Variants in NLGN1 observed in about 807,000 individuals in gnomAD.
NLGN1 encodes the protein neuroligin 1.
A neutral mutation model predicts 65.5 loss-of-function variants in NLGN1; 12 were observed. The ratio of observed to expected loss-of-function variants is 0.18; its 90% CI spans 0.12 to 0.30. The LOEUF (loss-of-function observed/expected upper bound fraction) is 0.30, where lower values mean the gene tolerates loss of function less well. Ranked by LOEUF, NLGN1 falls within the 10% of genes least tolerant of loss-of-function variation. NLGN1 has a pLI of 1.00. For missense variants in NLGN1, 750 were observed against 1,007.1 expected (o/e 0.74, Z 3.46); for synonymous variants, 350 against 359.5 (o/e 0.97, Z 0.30).
At chr3:173,646,309 T>C (rs1301954504) in intron 3 of NLGN1, among the ~76,000 whole-genome samples, 1 of 152,212 alleles carries the variant, frequency 6.6e-6, no homozygotes, top group South Asian at 2.1e-4. Flanking sequence ...CAGTAGAAAG[T>C]AGGACTAATC....
At chr3:173,401,647 G>A (rs1681213483) in intron 1 of NLGN1, among the ~76,000 whole-genome samples, 1 of 152,092 alleles carries the variant, frequency 6.6e-6, no homozygotes, top group African/African-American at 2.4e-5. Context: ...TTGGAAGATA[G>A]ATTTTTAGGG....
chr3:173,614,248 C>T (rs1353596166), intron 3 of NLGN1, among the ~76,000 whole-genome samples: 3 of 151,968 alleles, frequency 2.0e-5, no homozygotes, highest in Admixed American at 2.0e-4. Flanking sequence ...TAAGTATGAA[C>T]AGGACAGGTT....
intron 3 of NLGN1, among the ~76,000 whole-genome samples, chr3:173,740,997 A>G (rs1433835926): frequency 6.6e-6 from 1 of 152,182 alleles, no homozygotes; most frequent in Non-Finnish European, 1.5e-5. Flanking sequence ...AAGTATTATT[A>G]GCATACAAAA....
intron 3 of NLGN1, among the ~76,000 whole-genome samples, chr3:173,623,298 G>T (rs1197570762): frequency 6.6e-6 from 1 of 151,822 alleles, no homozygotes; most frequent in Non-Finnish European, 1.5e-5. Context: ...GATTGGAAAA[G>T]AAGTTAGGAC....
exon 3 of NLGN1, chr3:173,604,659 G>C (rs758915661): frequency 6.2e-7 from 1 of 1,613,700 alleles, no homozygotes; most frequent in Non-Finnish European, 8.5e-7. Flanking sequence ...GGCATGCTTG[G>C]TACACCGGGG....
chr3:173,796,036 A>G (rs1053560066), intron 3 of NLGN1, among the ~76,000 whole-genome samples: 2 of 152,140 alleles, frequency 1.3e-5, no homozygotes, highest in African/African-American at 4.8e-5. Context: ...TCCCTTGAGA[A>G]GGACGCATTT....
chr3:173,952,845 T>A (rs913276059), intron 4 of NLGN1, among the ~76,000 whole-genome samples: 1 of 150,760 alleles, frequency 6.6e-6, no homozygotes, highest in East Asian at 2.0e-4. Context: ...TGGCACAATC[T>A]CAGCTCACTG....
intron 4 of NLGN1, among the ~76,000 whole-genome samples, chr3:174,192,306 G>T (rs779417796): frequency 1.3e-5 from 2 of 152,072 alleles, no homozygotes; most frequent in Non-Finnish European, 2.9e-5. Context: ...TTTGAAAAAT[G>T]AATGGATTTA....
chr3:174,199,641 GA>G lies in NLGN1; in HGVS notation c.647-75672del, dbSNP rs150972709. On this transcript the variant is annotated intron_variant, in intron 4 of 6. Transcript: ENST00000457714. The stretch of plus-strand genomic sequence containing the variant: ...GCCTGAGGTAAGGACAGAGGTGGAG[GA>G]ACAGTCAAATACATGCTCCGAAAGG... 4.8e-3 allele frequency among the ~76,000 whole-genome samples: 727 copies of G among 152,138 alleles called. 3 individuals carry two copies. Among genetic ancestry groups the G allele is most frequent in the African/African-American group, 0.017 (690 of 41,468 alleles).
chr3:173,822,377 G>T (rs1720493604), intron 4 of NLGN1, among the ~76,000 whole-genome samples: 1 of 152,106 alleles, frequency 6.6e-6, no homozygotes. Flanking sequence ...TGATTTCTGT[G>T]TATGTGGGTA....
At chr3:174,270,140 T>C (rs1749097096) in intron 4 of NLGN1, among the ~76,000 whole-genome samples, 1 of 139,352 alleles carries the variant, frequency 7.2e-6, no homozygotes, top group Non-Finnish European at 1.6e-5. Context: ...TTTTTTTTTT[T>C]TGATGTGCAG....
At chr3:173,500,242 T>C (rs924576702) in intron 2 of NLGN1, among the ~76,000 whole-genome samples, 1 of 152,210 alleles carries the variant, frequency 6.6e-6, no homozygotes, top group Non-Finnish European at 1.5e-5. Flanking sequence ...ACCTAATTTA[T>C]TGAGAGTTTG....
In NLGN1 at chr3:174,147,419, C is replaced by CTTTTTTTTTTTTTTT. The variant is rs574298501; in HGVS notation, c.647-127879_647-127865dup. 3.0e-4 allele frequency among the ~76,000 whole-genome samples: 11 copies of CTTTTTTTTTTTTTTT among 36,260 alleles called. 3 individuals are homozygous for CTTTTTTTTTTTTTTT. Among genetic ancestry groups the CTTTTTTTTTTTTTTT allele is most frequent in the African/African-American group, 7.2e-4 (8 of 11,166 alleles). 23.8% of individuals were successfully genotyped at this position (36,260 alleles called of 152,430 possible). A position where few individuals can be genotyped will look rare whatever the true frequency, so the allele number is the denominator to read the frequency against. On this transcript the variant is annotated intron_variant, in intron 4 of 6. Transcript: ENST00000457714. ...TGAATTTTTGTGTAATGGCTCATGGCTTTTTTTTTTTTTTTTTTTTTTTTT... is the reference window on the plus strand; with the variant it reads ...TGAATTTTTGTGTAATGGCTCATGGCTTTTTTTTTTTTTTTTTTTTTTTTTTTTTTTTTTTTTTTT...
At chr3:174,082,698 G>A (rs1034748721) in intron 4 of NLGN1, among the ~76,000 whole-genome samples, 3 of 151,696 alleles carry the variant, frequency 2.0e-5, no homozygotes, top group South Asian at 2.1e-4. Flanking sequence ...TTATTTTTAC[G>A]TGTGTGACAG....
intron 3 of NLGN1, among the ~76,000 whole-genome samples, chr3:173,646,039 G>T (rs777742014): frequency 6.6e-6 from 1 of 152,066 alleles, no homozygotes; most frequent in Admixed American, 6.5e-5. Flanking sequence ...CACTCTAGCC[G>T]CTTTTGGCTC....
chr3:173,517,010 A>C (rs1342107214), intron 2 of NLGN1, among the ~76,000 whole-genome samples: 1 of 151,966 alleles, frequency 6.6e-6, no homozygotes, highest in East Asian at 1.9e-4. Context: ...TTCTATTCAT[A>C]TATCTTTAAG....
At chr3:173,544,660 A>G (rs1403476910) in intron 2 of NLGN1, among the ~76,000 whole-genome samples, 2 of 152,160 alleles carry the variant, frequency 1.3e-5, no homozygotes, top group African/African-American at 2.4e-5. Context: ...CCATTATAAG[A>G]AAGACCAGGA....
chr3:173,982,245 T>C (rs1718939947), intron 4 of NLGN1, among the ~76,000 whole-genome samples: 1 of 152,136 alleles, frequency 6.6e-6, no homozygotes, highest in South Asian at 2.1e-4. Flanking sequence ...AGCACTTTTG[T>C]TTCTGAGGAT....
At chr3:173,540,268 A>G (rs1180290607) in intron 2 of NLGN1, among the ~76,000 whole-genome samples, 1 of 152,182 alleles carries the variant, frequency 6.6e-6, no homozygotes, top group African/African-American at 2.4e-5. Flanking sequence ...GCTAGGTCAT[A>G]TGGTTCATGT....
Sources: allele counts gnomAD v4.1 joint callset (sites outside exome capture counted in the v4.1 genomes callset), GRCh38; gene constraint gnomAD v4.1.1; transcripts MANE v1.5; gene names NCBI Gene and HGNC (gene_info 2026-07-23, HGNC 2026-07-21).